Variants in SLC25A10 observed in about 807,000 individuals in gnomAD.
SLC25A10 encodes the protein mitochondrial dicarboxylate carrier.
A neutral mutation model predicts 40.4 loss-of-function variants in SLC25A10; 32 were observed. The observed-to-expected ratio is 0.79, with a 90% CI of 0.60 to 1.06. SLC25A10 has a LOEUF of 1.06. Ranked by LOEUF, SLC25A10 falls within the 50% of genes least tolerant of loss-of-function variation. The pLI, the probability that SLC25A10 is intolerant of heterozygous loss-of-function variation, is 0.00. For synonymous variants in SLC25A10, 181 were observed against 171.1 expected, an observed-to-expected ratio of 1.06 and a Z score of -0.45; for missense variants, 394 against 402.6, an observed-to-expected ratio of 0.98 and a Z score of 0.18.
At chr17:81,714,889 C>G in intron 1 of SLC25A10, 64 bp from the exon 2 acceptor site, 1 of 1,582,210 alleles carries the variant, frequency 6.3e-7, no homozygotes, top group South Asian at 1.1e-5. Context: ...TTCCCCCTCT[C>G]TGGATGAACC....
intron 9 of SLC25A10, among the ~76,000 whole-genome samples, 171 bp from the exon 10 acceptor site, chr17:81,719,660 C>A (rs1265721506): frequency 6.6e-6 from 1 of 152,128 alleles, no homozygotes; most frequent in African/African-American, 2.4e-5. Context: ...TGCCTGCAGA[C>A]CTGTGGTCAC....
chr17:81,715,647 C>T (rs374010671), intron 3 of SLC25A10, 46 bp from the exon 4 acceptor site: 258 of 1,612,400 alleles, frequency 1.6e-4, no homozygotes, highest in African/African-American at 5.9e-4. Flanking sequence ...CGGCCGAGGA[C>T]GCCGTGTGTC....
In SLC25A10 at chr17:81,716,787, TGTG is replaced by T. The variant is rs1568230693; in HGVS notation, c.420-22_420-20del. 5 of 1,599,576 alleles carry T rather than the reference TGTG, an allele frequency of 3.1e-6. No individual in the cohort carries two copies. In the Admixed American group the frequency reaches 8.6e-5, roughly 28 times the overall value. ...GAGCCGGTGGTCAGGGGGAGTCTCATGTGGTCATTCTGTGTCCCCGGCAGCTAC... is the reference window on the plus strand; with the variant it reads ...GAGCCGGTGGTCAGGGGGAGTCTCATGTCATTCTGTGTCCCCGGCAGCTAC... On this transcript the variant is annotated intron_variant, in intron 5 of 10. Coordinates refer to ENST00000350690, the MANE Select transcript of SLC25A10 (RefSeq NM_012140.5).
chr17:81,717,490 C>A lies in SLC25A10; in HGVS notation c.626C>A (p.Ala209Glu). The A allele has an allele frequency of 6.2e-7, 1 of 1,613,506 alleles. No individual in the cohort carries two copies. Among genetic ancestry groups the A allele is most frequent in the Non-Finnish European group, 8.5e-7 (1 of 1,179,798 alleles). The change falls in exon 8 of 11, where the codon GCA becomes GAA. Residue 209 changes from alanine to glutamate, a missense_variant and splice_region_variant. Transcript: ENST00000350690. The stretch of plus-strand genomic sequence containing the variant: ...ACTCACTTTGTCGCCAGCTTTATTG[C>A]AGTAAGTGGCCGGCATGGCTAGGGT... Reference protein sequence around the residue: ...IFTHFVASFIAGGCATFLCQP... With the variant: ...IFTHFVASFIEGGCATFLCQP...
Position 81,720,493 on chromosome 17 carries a change from T to C in SLC25A10, c.*416T>C. 1 of 1,319,226 alleles carries C rather than the reference T, an allele frequency of 7.6e-7. No individual in the cohort carries two copies. The highest frequency in any genetic ancestry group is 9.6e-7 in the Non-Finnish European group (1 of 1,039,782). The allele number at this position is 1,319,226 out of a possible 1,614,324, so 81.7% of individuals were successfully genotyped here. A position where few individuals can be genotyped will look rare whatever the true frequency, so the allele number is the denominator to read the frequency against. On this transcript the variant is annotated 3_prime_UTR_variant, in exon 11 of 11. Coordinates refer to ENST00000350690, the MANE Select transcript of SLC25A10 (RefSeq NM_012140.5). ...TGGGTGGCAGAGTGTGGGTGCAGCC[T>C]GGCTGTTGCTCACCCAAGTGCTAGC... is the stretch of plus-strand genomic sequence containing the variant.
intron 9 of SLC25A10, among the ~76,000 whole-genome samples, chr17:81,718,097 G>A (rs888320505): frequency 6.6e-6 from 1 of 152,212 alleles, no homozygotes; most frequent in African/African-American, 2.4e-5. Context: ...TGTAACCCCA[G>A]CACTTTGGGA....
chr17:81,716,878 A>C, intron 6 of SLC25A10, 23 bp downstream of exon 6: 1 of 1,589,214 alleles, frequency 6.3e-7, no homozygotes, highest in Non-Finnish European at 8.6e-7. Context: ...TGCTGTGCAC[A>C]GGCAGGGTTC....
rs572901029 is a variant in SLC25A10 at position 81,715,688 on chromosome 17, C to T, written c.329-5C>T. ...GGCTCATCTCTGGGGTTTGTGTCAC[C>T]GCAGGTTTAGCTGGAGGCTTCGTGG... On this transcript the variant is annotated splice_polypyrimidine_tract_variant and splice_region_variant and intron_variant, in intron 3 of 10. Transcript: ENST00000350690. 2.7e-5 allele frequency: 43 copies of T among 1,613,202 alleles called. No individual in the cohort carries two copies. Among genetic ancestry groups the T allele is most frequent in the Non-Finnish European group, 3.2e-5 (38 of 1,179,920 alleles).
rs1044742642 is a variant in SLC25A10 at position 81,717,455 on chromosome 17, C to T, written c.591C>T (p.Asp197=). 6.2e-7 allele frequency: 1 copy of T among 1,613,702 alleles called. No homozygotes were observed. Among genetic ancestry groups the T allele is most frequent in the Admixed American group, 1.7e-5 (1 of 60,022 alleles). The part of the protein sequence containing the change: ...QLVLSTGYLS[D]NIFTHFVASF... The stretch of plus-strand genomic sequence containing the variant: ...TCCTTAGCACCGGGTACCTCTCTGA[C>T]AACATCTTCACTCACTTTGTCGCCA... Residue 197 remains aspartate, a synonymous_variant, in exon 8 of 11, where the codon GAC becomes GAT. Coordinates refer to ENST00000350690, the MANE Select transcript of SLC25A10 (RefSeq NM_012140.5).
At chr17:81,714,426 G>A (rs1049158585) in intron 1 of SLC25A10, among the ~76,000 whole-genome samples, 3 of 152,202 alleles carry the variant, frequency 2.0e-5, no homozygotes, top group Non-Finnish European at 2.9e-5. Context: ...ATGCCCTGCC[G>A]CCAGCCACAC....
At chr17:81,717,338 T>G in intron 7 of SLC25A10, 61 bp from the exon 8 acceptor site, 1 of 1,528,448 alleles carries the variant, frequency 6.5e-7, no homozygotes, top group Non-Finnish European at 9.0e-7. Context: ...CCTGGGGCCC[T>G]GTGTGCTTTC....
chr17:81,719,695 TCACACCCACACC>T (rs141790614), intron 9 of SLC25A10, 124 bp from the exon 10 acceptor site: 11 of 1,037,854 alleles, frequency 1.1e-5, no homozygotes, highest in Admixed American at 3.8e-5. Flanking sequence ...CAGCCGCCGC[TCACACCCACACC>T]CACACCCACA....
rs1309907721 is a variant in SLC25A10, at chr17:81,712,334, C to G, written c.-93C>G. 8.1e-6 allele frequency: 7 copies of G among 864,350 alleles called. No individual in the cohort carries two copies. Among genetic ancestry groups the G allele is most frequent in the Non-Finnish European group, 8.9e-6 (6 of 675,072 alleles). 53.5% of individuals were successfully genotyped at this position (864,350 alleles called of 1,614,324 possible). ...CGCGGGCGGCGCTTTGAACCGGGCG[C>G]GGGGCGCGGGGCGCGGGGCGCTGCG... On this transcript the variant is annotated 5_prime_UTR_variant, in exon 1 of 11. Coordinates refer to ENST00000350690, the MANE Select transcript of SLC25A10 (RefSeq NM_012140.5).
In SLC25A10 at chr17:81,720,148, C is replaced by T; in HGVS notation, c.*71C>T. 1.3e-6 allele frequency: 2 copies of T among 1,591,668 alleles called. No individual in the cohort carries two copies. Among genetic ancestry groups the T allele is most frequent in the Non-Finnish European group, 1.7e-6 (2 of 1,173,784 alleles). On this transcript the variant is annotated 3_prime_UTR_variant, in exon 11 of 11. Coordinates refer to ENST00000350690, the MANE Select transcript of SLC25A10 (RefSeq NM_012140.5). ...CTTCCAAAGAGTCCCAAGCCCAGCA[C>T]CTGCTCCTGGGGCCACGACCTCCCT...
At chr17:81,716,491 G>A (rs1374413653) in intron 5 of SLC25A10, among the ~76,000 whole-genome samples, 1 of 152,224 alleles carries the variant, frequency 6.6e-6, no homozygotes, top group Admixed American at 6.5e-5. Context: ...CCCCTGGGGA[G>A]TTCTGGCTTC....
At position 81,715,119 on chromosome 17, in the gene SLC25A10, C is replaced by T. The variant is rs1458767051; in HGVS notation, c.213+47C>T. On this transcript the variant is annotated intron_variant, in intron 2 of 10. Transcript: ENST00000350690. The stretch of plus-strand genomic sequence containing the variant: ...TGGGCTCCCAGACTGGGGCTGAGTC[C>T]TGCAGTGGCATCCAAGCTACTTCCG... The T allele has an allele frequency of 1.9e-6, 3 of 1,595,104 alleles. No individual in the cohort carries two copies. The African/African-American group carries it at 4.0e-5, about 21-fold the overall frequency.
intron 1 of SLC25A10, 133 bp downstream of exon 1, chr17:81,712,652 C>G: frequency 1.7e-6 from 1 of 597,768 alleles, no homozygotes; most frequent in Non-Finnish European, 2.4e-6. Context: ...CGCGAGGAGG[C>G]CCCCGACGCC....
At chr17:81,719,700 C>T in intron 9 of SLC25A10, 131 bp from the exon 10 acceptor site, 1 of 823,356 alleles carries the variant, frequency 1.2e-6, no homozygotes, top group Admixed American at 2.1e-5. Context: ...GCCGCTCACA[C>T]CCACACCCAC....
At chr17:81,718,012 G>C (rs1052697315) in intron 9 of SLC25A10, 151 bp downstream of exon 9, 4 of 651,334 alleles carry the variant, frequency 6.1e-6, no homozygotes, top group Non-Finnish European at 1.1e-5. Context: ...TTGGGAGAGG[G>C]TTGTGCCTTT....
Sources: gnomAD v4.1 joint callset for allele counts (sites outside exome capture counted in the v4.1 genomes callset) on GRCh38, gnomAD v4.1.1 for gene constraint, MANE v1.5 for transcripts, NCBI Gene and HGNC (gene_info 2026-07-23, HGNC 2026-07-21) for gene names.